Variants in COL12A1 observed in about 807,000 individuals in gnomAD.
The protein encoded by COL12A1 is collagen alpha-1(XII) chain.
A neutral mutation model predicts 349.7 loss-of-function variants in COL12A1; 114 were observed. That is an observed-to-expected ratio of 0.33 (90% confidence interval 0.28 to 0.38). The LOEUF is 0.38. COL12A1 is among the 10% of genes least tolerant of loss of function. COL12A1 has a pLI of 1.00. For missense variants in COL12A1, 3,284 were observed against 3,756.9 expected, an observed-to-expected ratio of 0.87 and a Z score of 3.29; for synonymous variants, 1,369 against 1,329.0, an observed-to-expected ratio of 1.03 and a Z score of -0.66.
chr6:75,173,732 GA>G (rs1768765703), intron 13 of COL12A1, among the ~76,000 whole-genome samples: 1 of 152,020 alleles, frequency 6.6e-6, no homozygotes, highest in Admixed American at 6.6e-5. Flanking sequence ...CTTAACCCTT[GA>G]AGTTTCTAAG....
At chr6:75,112,337 C>T (rs184675620) in intron 51 of COL12A1, among the ~76,000 whole-genome samples, 9 of 151,888 alleles carry the variant, frequency 5.9e-5, no homozygotes, top group Admixed American at 5.9e-4. Flanking sequence ...TGTAACAAAC[C>T]TGCACATCTT....
Position 75,113,641 on chromosome 6 carries a change from C to A in COL12A1, c.7801G>T (p.Asp2601Tyr), listed in dbSNP as rs757556640. Reference sequence around the variant, plus strand: ...CCAACTTGTGGTTTGTAGTCTCTGTCTGTGATTTGCCAAATTGCAAAAGGG... The same window carrying A: ...CCAACTTGTGGTTTGTAGTCTCTGTATGTGATTTGCCAAATTGCAAAAGGG... ...SDPFAIWQIT[D>Y]RDYKPQVGVI... Residue 2601 changes from aspartate (D) to tyrosine (Y), a missense_variant, in exon 50 of 66, where the codon GAC becomes TAC. Asp to Tyr is a radical substitution (Grantham distance 160, BLOSUM62 -3). Transcript: ENST00000322507. 8.7e-6 allele frequency: 14 copies of A among 1,610,558 alleles called. No individual in the cohort carries two copies. In the Admixed American group the frequency reaches 2.3e-4, roughly 27 times the overall value.
intron 38 of COL12A1, among the ~76,000 whole-genome samples, chr6:75,127,489 A>C (rs240723): frequency 0.04 from 6,056 of 152,250 alleles, 387 homozygotes; most frequent in African/African-American, 0.14. Flanking sequence ...CATGTTACTT[A>C]AGTAGATTTT....
chr6:75,152,766 T>C (rs1362308268), intron 17 of COL12A1, among the ~76,000 whole-genome samples: 3 of 152,158 alleles, frequency 2.0e-5, no homozygotes, highest in Admixed American at 1.3e-4. Context: ...ACCTGGAGAC[T>C]TGAATTAAGC....
chr6:75,173,362 C>A (rs1768740027), intron 13 of COL12A1, among the ~76,000 whole-genome samples: 1 of 151,954 alleles, frequency 6.6e-6, no homozygotes. Context: ...AAATTTAACT[C>A]TTGATCACTA....
intron 8 of COL12A1, 141 bp from the exon 9 acceptor site, chr6:75,184,285 T>A: frequency 1.1e-6 from 1 of 900,420 alleles, no homozygotes; most frequent in Non-Finnish European, 1.6e-6. Context: ...CCCGCCTCAG[T>A]CCCCAATTTC....
chr6:75,116,218 T>C (rs1769070369), intron 47 of COL12A1, among the ~76,000 whole-genome samples, 161 bp from the exon 48 acceptor site: 1 of 152,164 alleles, frequency 6.6e-6, no homozygotes, highest in African/African-American at 2.4e-5. Context: ...TCTTGTACAT[T>C]TCCTACGTGT....
Position 75,086,166 on chromosome 6 carries a change from T to G in COL12A1, c.*381A>C, listed in dbSNP as rs968567600. 1.3e-5 allele frequency: 2 copies of G among 154,138 alleles called. No homozygotes were observed. The highest frequency in any genetic ancestry group is 4.8e-5 in the African/African-American group (2 of 41,472). The allele number at this position is 154,138 out of a possible 1,614,324, so 9.5% of individuals were successfully genotyped here. On this transcript the variant is annotated 3_prime_UTR_variant, in exon 66 of 66. Coordinates refer to ENST00000322507, the MANE Select transcript of COL12A1 (RefSeq NM_004370.6). ...TACAAGCCACAATTAGTTTATTATT[T>G]ACATAAGACATTTCTCTTTAACCAG... is the stretch of plus-strand genomic sequence containing the variant.
intron 13 of COL12A1, among the ~76,000 whole-genome samples, chr6:75,169,984 G>A (rs1768537047): frequency 6.6e-6 from 1 of 152,182 alleles, no homozygotes; most frequent in Non-Finnish European, 1.5e-5. Flanking sequence ...GCTGTGGGAA[G>A]TAATTCAGAC....
chr6:75,132,102 C>T lies in COL12A1; in HGVS notation c.5795-20G>A, dbSNP rs1196321212. ...TCATCACTGAGGAAATGAAGGCCAA[C>T]ATCTATTTTTTAAGTCTGTTTATAT... On this transcript the variant is annotated intron_variant, in intron 34 of 65. Coordinates refer to ENST00000322507, the MANE Select transcript of COL12A1 (RefSeq NM_004370.6). 1.9e-6 allele frequency: 3 copies of T among 1,612,554 alleles called. No individual in the cohort carries two copies.
intron 2 of COL12A1, among the ~76,000 whole-genome samples, chr6:75,198,561 G>T (rs1483471972): frequency 3.3e-5 from 5 of 151,846 alleles, no homozygotes; most frequent in African/African-American, 1.2e-4. Flanking sequence ...AGATATAGAT[G>T]AAATTTGGTA....
chr6:75,158,897 CAT>C (rs1261459694), intron 14 of COL12A1, among the ~76,000 whole-genome samples: 17 of 151,946 alleles, frequency 1.1e-4, no homozygotes, highest in African/African-American at 2.7e-4. Flanking sequence ...AGCAGACTAA[CAT>C]ATGTGTAATT....
intron 24 of COL12A1, among the ~76,000 whole-genome samples, 156 bp from the exon 25 acceptor site, chr6:75,145,611 C>CTTTTTTTTTTTTTTTTTTTTTGTTTT (rs56698330): frequency 8.3e-6 from 1 of 121,190 alleles, no homozygotes; most frequent in African/African-American, 3.1e-5. Context: ...CTGATGTTTT[C>CTTTTTTTTTTTTTTTTTTTTTGTTTT]TTTTTTTTTT....
chr6:75,134,085 T>G, intron 32 of COL12A1, 88 bp from the exon 33 acceptor site: 1 of 1,422,458 alleles, frequency 7.0e-7, no homozygotes, highest in Non-Finnish European at 9.6e-7. Context: ...CCAGGCACCC[T>G]AGAACATAGC....
intron 2 of COL12A1, among the ~76,000 whole-genome samples, chr6:75,200,181 G>A (rs1045733602): frequency 6.6e-6 from 1 of 152,154 alleles, no homozygotes; most frequent in African/African-American, 2.4e-5. Flanking sequence ...CCCAAATTTT[G>A]TTAGCCCTTC....
chr6:75,150,927 GT>G (rs1339543372), intron 21 of COL12A1, among the ~76,000 whole-genome samples: 1 of 152,068 alleles, frequency 6.6e-6, no homozygotes, highest in East Asian at 1.9e-4. Flanking sequence ...ACTGGGGACA[GT>G]TTTTTTCTGC....
At chr6:75,093,685 C>G (rs901923222) in intron 60 of COL12A1, among the ~76,000 whole-genome samples, 12 of 152,134 alleles carry the variant, frequency 7.9e-5, no homozygotes, top group African/African-American at 2.4e-5. Flanking sequence ...GAGCATTTTA[C>G]AAATGCAGGA....
chr6:75,189,218 C>T lies in COL12A1; in HGVS notation c.822G>A (p.Leu274=), dbSNP rs1226233875. Residue 274 remains leucine, a splice_region_variant and synonymous_variant, in exon 7 of 66, where the codon TTG becomes TTA. Transcript: ENST00000322507. ...LRNVGVEVFS[L]GIKAADAKEL... is the part of the protein sequence containing the mutation. ...AATAATTAACTGAACTTAACCTACC[C>T]AAGGAGAAAACTTCAACTCCAACAT... 2 of 1,612,386 alleles carry T rather than the reference C, an allele frequency of 1.2e-6. No individual in the cohort carries two copies. Among genetic ancestry groups the T allele is most frequent in the Non-Finnish European group, 8.5e-7 (1 of 1,179,160 alleles).
In COL12A1 at chr6:75,206,016, CG is replaced by C. The variant is rs979210066; in HGVS notation, c.-276del. On this transcript the variant is annotated 5_prime_UTR_variant, in exon 1 of 66. Coordinates refer to ENST00000322507, the MANE Select transcript of COL12A1 (RefSeq NM_004370.6). ...TGGCCTGAGCCTGCAGCTGCCGGCG[CG>C]CGGACGCGTCTGGGGCGGTTCGCCT... is the stretch of plus-strand genomic sequence containing the variant. The C allele has an allele frequency of 2.6e-5, 4 of 152,744 alleles. No individual in the cohort carries two copies. The highest frequency in any genetic ancestry group is 4.4e-5 in the Non-Finnish European group (3 of 68,474). The allele number at this position is 152,744 out of a possible 1,614,324, so 9.5% of individuals were successfully genotyped here.
Sources: allele counts gnomAD v4.1 joint callset (sites outside exome capture counted in the v4.1 genomes callset), GRCh38; gene constraint gnomAD v4.1.1; transcripts MANE v1.5; gene names NCBI Gene and HGNC (gene_info 2026-07-23, HGNC 2026-07-21).